ZFYVE28: variants seen among roughly 807,000 people sequenced by gnomAD.
ZFYVE28 encodes zinc finger FYVE-type containing 28.
ZFYVE28 carries 40 observed loss-of-function variants against 82.1 expected under a neutral mutation model. The ratio of observed to expected loss-of-function variants is 0.49; its 90% confidence interval spans 0.38 to 0.63. The LOEUF (loss-of-function observed/expected upper bound fraction) is 0.63. ZFYVE28 is among the 30% of genes least tolerant of loss of function. The pLI is 0.00. For missense variants in ZFYVE28, 1,321 were observed against 1,242.1 expected (o/e 1.06, Z -0.96); for synonymous variants, 612 against 546.1 (o/e 1.12, Z -1.68).
At chr4:2,303,993 A>G (rs1484680522) in intron 8 of ZFYVE28, among the ~76,000 whole-genome samples, 1 of 152,204 alleles carries the variant, frequency 6.6e-6, no homozygotes, top group Non-Finnish European at 1.5e-5. Context: ...AGGTGAGCTG[A>G]GGGCTTGGCA....
chr4:2,323,529 A>AT lies in ZFYVE28; in HGVS notation c.702-3259dup, dbSNP rs542831117. On this transcript the variant is annotated intron_variant, in intron 6 of 12. Transcript: ENST00000290974. ...TTATAATGTCCTCTGATGCATCACAATTTTTTTTTCTTATTTATTTTTTAT... is the reference window on the plus strand; with the variant it reads ...TTATAATGTCCTCTGATGCATCACAATTTTTTTTTTCTTATTTATTTTTTAT... Among the ~76,000 whole-genome samples the AT allele has an allele frequency of 4.1e-3, 624 of 150,796 alleles. 1 individual carries two copies. The highest frequency in any genetic ancestry group is 7.6e-3 in the Non-Finnish European group (516 of 67,568).
rs1733217491 is a variant in ZFYVE28 at position 2,417,559 on chromosome 4, G to A, written c.39+726C>T. 6.6e-6 allele frequency among the ~76,000 whole-genome samples: 1 copy of A among 152,002 alleles called. No homozygotes were observed. The highest frequency in any genetic ancestry group is 2.1e-4 in the South Asian group (1 of 4,830). On this transcript the variant is annotated intron_variant, in intron 1 of 12. Coordinates refer to ENST00000290974, the MANE Select transcript of ZFYVE28 (RefSeq NM_020972.3). This position sits in a 1 kb window ranked among gnomAD's most constrained non-coding sequence, Gnocchi z 4.8. ...TGGCCACGGGCGCGCTCGCCCCAAG[G>A]GCCGGGCGGAGGACCTGTCCCGGAT...
chr4:2,271,799 G>A lies in ZFYVE28; in HGVS notation c.2324-20C>T, dbSNP rs747280344. On this transcript the variant is annotated intron_variant, in intron 10 of 12. Coordinates refer to ENST00000290974, the MANE Select transcript of ZFYVE28 (RefSeq NM_020972.3). ...GGGTGACTAGTGGAGAAGGGGGGCC[G>A]TCGGGGTATGGTGAGGGAGGCGGGC... The A allele has an allele frequency of 2.7e-5, 43 of 1,609,080 alleles. No individual in the cohort carries two copies. The South Asian group carries it at 3.2e-4, about 12-fold the overall frequency.
chr4:2,297,272 G>A (rs1714730724), intron 8 of ZFYVE28, among the ~76,000 whole-genome samples: 4 of 152,212 alleles, frequency 2.6e-5, no homozygotes, highest in Admixed American at 1.3e-4. Flanking sequence ...TTGCAGCAGC[G>A]ACCTCACCAT....
Position 2,341,645 on chromosome 4 carries a change from A to C in ZFYVE28, c.181-30T>G. 1 of 1,594,004 alleles carries C rather than the reference A, an allele frequency of 6.3e-7. No individual in the cohort carries two copies. The highest frequency in any genetic ancestry group is 1.1e-5 in the South Asian group (1 of 90,364). On this transcript the variant is annotated intron_variant, in intron 2 of 12. Transcript: ENST00000290974. The surrounding 1 kb of genome is among the most constrained non-coding windows in gnomAD (Gnocchi z 4.5). ...AACAGAAGACAGGAGAAAGTGCGCC[A>C]ATCGCTGTGTCCAGCTGGCGGCCGC...
chr4:2,273,971 G>A, intron 9 of ZFYVE28, 91 bp downstream of exon 9: 2 of 1,444,824 alleles, frequency 1.4e-6, no homozygotes, highest in Non-Finnish European at 1.9e-6. Flanking sequence ...GGAAAGTGAG[G>A]GGGAGGTTGT....
chr4:2,271,679 A>G lies in ZFYVE28; in HGVS notation c.2424T>C (p.Phe808=). The part of the protein sequence containing the change: ...ELAAKTRDGD[F]EDPPEWVPDE... Reference sequence around the variant, plus strand: ...GACCCAGAGCCTCCCACACACCTTCAAAGTCCCCATCGCGGGTCTTGGCTG... The same window carrying G: ...GACCCAGAGCCTCCCACACACCTTCGAAGTCCCCATCGCGGGTCTTGGCTG... The change falls in exon 11 of 13, where the codon TTT becomes TTC. Residue 808 remains phenylalanine, a synonymous_variant. Coordinates refer to ENST00000290974, the MANE Select transcript of ZFYVE28 (RefSeq NM_020972.3). 8 of 1,613,786 alleles carry G rather than the reference A, an allele frequency of 5.0e-6. No homozygotes were observed. The highest frequency in any genetic ancestry group is 6.8e-6 in the Non-Finnish European group (8 of 1,179,942).
chr4:2,322,561 C>T (rs1011507832), intron 6 of ZFYVE28, among the ~76,000 whole-genome samples: 11 of 152,122 alleles, frequency 7.2e-5, no homozygotes, highest in Non-Finnish European at 1.6e-4. Flanking sequence ...AAAGCTGGGC[C>T]CTGCTGGAAG....
In ZFYVE28 at chr4:2,388,681, C is replaced by T. The variant is rs116905206; in HGVS notation, c.39+29604G>A. ...CGGTGGATGACGGTGGTGCTGCTCT[C>T]GATGTTCACTGCATTTACGTGAAGG... On this transcript the variant is annotated intron_variant, in intron 1 of 12. Coordinates refer to ENST00000290974, the MANE Select transcript of ZFYVE28 (RefSeq NM_020972.3). 2.5e-3 allele frequency among the ~76,000 whole-genome samples: 388 copies of T among 152,216 alleles called. 8 individuals carry two copies. The East Asian group carries it at 0.06, about 24-fold the overall frequency.
chr4:2,284,026 A>G (rs1445086245), intron 8 of ZFYVE28, among the ~76,000 whole-genome samples: 1 of 152,174 alleles, frequency 6.6e-6, no homozygotes, highest in Non-Finnish European at 1.5e-5. Flanking sequence ...ACAGAACGCA[A>G]TTCCCTGTAG....
In ZFYVE28 at chr4:2,271,308, C is replaced by T. The variant is rs375810952; in HGVS notation, c.2532+3G>A. The stretch of plus-strand genomic sequence containing the variant: ...GACCCTCCGTGCAAGGGGTCTCACC[C>T]ACCTTCCCACAGCTGCGGCAGTGGT... On this transcript the variant is annotated splice_donor_region_variant and intron_variant, in intron 12 of 12. Transcript: ENST00000290974. The T allele has an allele frequency of 1.9e-6, 3 of 1,612,312 alleles. No individual in the cohort carries two copies. Among genetic ancestry groups the T allele is most frequent in the African/African-American group, 1.3e-5 (1 of 74,940 alleles).
intron 8 of ZFYVE28, among the ~76,000 whole-genome samples, chr4:2,281,648 CCT>C (rs1459995921): frequency 1.3e-5 from 2 of 152,218 alleles, no homozygotes; most frequent in Non-Finnish European, 1.5e-5. Context: ...TAAGGTCCCC[CCT>C]CTCAACGCTG....
chr4:2,352,868 T>A (rs568573475), intron 2 of ZFYVE28, among the ~76,000 whole-genome samples: 1 of 152,168 alleles, frequency 6.6e-6, no homozygotes, highest in Non-Finnish European at 1.5e-5. Flanking sequence ...AGGAATAGCA[T>A]CTGATCCCCC....
chr4:2,320,373 T>A lies in ZFYVE28; in HGVS notation c.702-102A>T, dbSNP rs1170815626. ...CTGCGAAAACCACGCCCGCTGGGAC[T>A]CTGCAGCGCCACTGTCCCAGCACGG... On this transcript the variant is annotated intron_variant, in intron 6 of 12. Coordinates refer to ENST00000290974, the MANE Select transcript of ZFYVE28 (RefSeq NM_020972.3). This position sits in a 1 kb window ranked among gnomAD's most constrained non-coding sequence, Gnocchi z 5.1. 8 of 941,048 alleles carry A rather than the reference T, an allele frequency of 8.5e-6. No individual in the cohort carries two copies. The highest frequency in any genetic ancestry group is 2.7e-5 in the East Asian group (1 of 37,378). 58.3% of individuals were successfully genotyped at this position (941,048 alleles called of 1,614,324 possible). A position where few individuals can be genotyped will look rare whatever the true frequency, so the allele number is the denominator to read the frequency against.
chr4:2,337,650 G>C (rs1190388230), intron 4 of ZFYVE28, among the ~76,000 whole-genome samples, 154 bp from the exon 5 acceptor site: 1 of 152,194 alleles, frequency 6.6e-6, no homozygotes, highest in Non-Finnish European at 1.5e-5. Context: ...GGGAGTCTGA[G>C]GTGGGAGGAT....
rs1413997710 is a variant in ZFYVE28 at position 2,418,185 on chromosome 4, G to C, written c.39+100C>G. 3.4e-6 allele frequency: 4 copies of C among 1,183,132 alleles called. No individual in the cohort carries two copies. In the East Asian group the frequency reaches 1.3e-4, roughly 38 times the overall value. 73.3% of individuals were successfully genotyped at this position (1,183,132 alleles called of 1,614,324 possible). A position where few individuals can be genotyped will look rare whatever the true frequency, so the allele number is the denominator to read the frequency against. ...GGCGGTGGGGGAAGAGGCCGGCCAC[G>C]GACAGGGAAAGGGAGTCCGTCTTGT... is the stretch of plus-strand genomic sequence containing the variant. On this transcript the variant is annotated intron_variant, in intron 1 of 12. Coordinates refer to ENST00000290974, the MANE Select transcript of ZFYVE28 (RefSeq NM_020972.3). This position sits in a 1 kb window ranked among gnomAD's most constrained non-coding sequence, Gnocchi z 4.6.
In ZFYVE28 at chr4:2,345,371, A is replaced by G. The variant is rs1333581147; in HGVS notation, c.181-3756T>C. ...GTGTTCAAAAAGTTAACTAGAGACAACGAAGAAACTAAAAGTCCCTAACTG... is the reference window on the plus strand; with the variant it reads ...GTGTTCAAAAAGTTAACTAGAGACAGCGAAGAAACTAAAAGTCCCTAACTG... On this transcript the variant is annotated intron_variant, in intron 2 of 12. Transcript: ENST00000290974. Among the ~76,000 whole-genome samples, 4 of 152,186 alleles carry G rather than the reference A, an allele frequency of 2.6e-5. No homozygotes were observed. In the East Asian group the frequency reaches 5.8e-4, roughly 22 times the overall value.
chr4:2,383,107 T>C (rs1346956689), intron 1 of ZFYVE28, among the ~76,000 whole-genome samples: 1 of 152,166 alleles, frequency 6.6e-6, no homozygotes, highest in Admixed American at 6.5e-5. Context: ...TAACAGGGAC[T>C]GTTGGGAAAG....
At chr4:2,397,471 CAAAAAAAAAA>C (rs35358830) in intron 1 of ZFYVE28, among the ~76,000 whole-genome samples, 1 of 98,258 alleles carries the variant, frequency 1.0e-5, no homozygotes, top group Non-Finnish European at 2.0e-5. Context: ...GACTCGGTCT[CAAAAAAAAAA>C]AAAAAAAAAA....
Sources: gnomAD v4.1 joint callset for allele counts (sites outside exome capture counted in the v4.1 genomes callset) on GRCh38, gnomAD v4.1.1 for gene constraint, Gnocchi (gnomAD v3.1) non-coding constraint, MANE v1.5 for transcripts, NCBI Gene and HGNC (gene_info 2026-07-23, HGNC 2026-07-21) for gene names.